Variants in ADGRL3 observed in about 807,000 individuals in gnomAD.
ADGRL3 encodes adhesion G protein-coupled receptor L3.
ADGRL3 carries 62 observed loss-of-function variants against 153.5 expected under a neutral mutation model. The ratio of observed to expected loss-of-function variants is 0.40; its 90% CI spans 0.33 to 0.50. ADGRL3 has a LOEUF of 0.50. Among genes scored for constraint, ADGRL3 ranks in the 20% least tolerant of loss-of-function variants. The probability of loss-of-function intolerance (pLI) is 0.47; values close to 1 mark genes in which losing one functional copy is unlikely to be tolerated. For missense variants in ADGRL3, 1,641 were observed against 1,859.4 expected, an observed-to-expected ratio of 0.88 and a Z score of 2.16; for synonymous variants, 710 against 672.5, an observed-to-expected ratio of 1.06 and a Z score of -0.86.
chr4:61,272,079 T>A (rs2093215487), intron 1 of ADGRL3, among the ~76,000 whole-genome samples: 1 of 151,920 alleles, frequency 6.6e-6, no homozygotes, highest in African/African-American at 2.4e-5. Flanking sequence ...TTCCATGTAA[T>A]TTGGATATGT....
chr4:62,023,907 G>A (rs1224207027), intron 21 of ADGRL3, among the ~76,000 whole-genome samples: 1 of 96,216 alleles, frequency 1.0e-5, no homozygotes, highest in Non-Finnish European at 2.5e-5. Flanking sequence ...TTATTTGCAT[G>A]CAACCTACCA....
intron 5 of ADGRL3, among the ~76,000 whole-genome samples, chr4:61,599,865 C>T (rs1343727706): frequency 6.6e-6 from 1 of 152,124 alleles, no homozygotes; most frequent in Non-Finnish European, 1.5e-5. Context: ...GTCACAACAG[C>T]TTTTACTCCA....
At chr4:61,705,915 T>C (rs751219439) in intron 6 of ADGRL3, among the ~76,000 whole-genome samples, 3 of 152,180 alleles carry the variant, frequency 2.0e-5, no homozygotes, top group Non-Finnish European at 4.4e-5. Flanking sequence ...GGCTTTGATA[T>C]TCCATTTATA....
intron 1 of ADGRL3, among the ~76,000 whole-genome samples, chr4:61,259,214 G>A (rs894893279): frequency 4.1e-4 from 62 of 152,136 alleles, no homozygotes; most frequent in Admixed American, 1.2e-3. Context: ...ACGAGGTCAG[G>A]AGATCGAGAC....
intron 5 of ADGRL3, among the ~76,000 whole-genome samples, chr4:61,598,752 TATCTA>T (rs1410481997): frequency 6.6e-6 from 1 of 152,222 alleles, no homozygotes; most frequent in Non-Finnish European, 1.5e-5. Context: ...GAAAAAATGT[TATCTA>T]ATGGTTTAAG....
At chr4:61,332,826 T>G (rs1261497990) in intron 1 of ADGRL3, among the ~76,000 whole-genome samples, 1 of 151,822 alleles carries the variant, frequency 6.6e-6, no homozygotes, top group Non-Finnish European at 1.5e-5. Context: ...TTGAAAAAAA[T>G]GCACTTATAT....
At chr4:61,861,202 T>A (rs1018591088) in intron 9 of ADGRL3, among the ~76,000 whole-genome samples, 1 of 152,066 alleles carries the variant, frequency 6.6e-6, no homozygotes, top group Non-Finnish European at 1.5e-5. Context: ...AAAGCAAGGA[T>A]TTGGAAATAA....
intron 8 of ADGRL3, among the ~76,000 whole-genome samples, chr4:61,805,169 C>T (rs534832816): frequency 1.2e-3 from 178 of 151,940 alleles, no homozygotes; most frequent in Middle Eastern, 0.01. Flanking sequence ...GTTTCGATCT[C>T]CTGACCTCGT....
intron 21 of ADGRL3, among the ~76,000 whole-genome samples, chr4:62,015,815 A>AT (rs2099208578): frequency 6.6e-6 from 1 of 151,356 alleles, no homozygotes; most frequent in South Asian, 2.1e-4. Flanking sequence ...GCTGATATAC[A>AT]TTTTGAATGC....
chr4:61,701,462 T>C (rs2095758116), intron 6 of ADGRL3, among the ~76,000 whole-genome samples: 2 of 120,492 alleles, frequency 1.7e-5, no homozygotes, highest in Admixed American at 1.1e-4. Flanking sequence ...TGAGATGGAG[T>C]CTCACTCTGT....
chr4:61,337,545 T>A (rs998549815), intron 1 of ADGRL3, among the ~76,000 whole-genome samples: 1 of 152,208 alleles, frequency 6.6e-6, no homozygotes, highest in Non-Finnish European at 1.5e-5. Flanking sequence ...ATCAAGGGAC[T>A]ACCTTCCTCG....
chr4:61,883,643 G>A (rs2098520976), intron 9 of ADGRL3, among the ~76,000 whole-genome samples: 1 of 152,114 alleles, frequency 6.6e-6, no homozygotes, highest in Admixed American at 6.5e-5. Flanking sequence ...AAGAAGATAT[G>A]TCTGTTACTA....
chr4:61,351,834 A>C (rs2096058338), intron 1 of ADGRL3, among the ~76,000 whole-genome samples: 1 of 152,164 alleles, frequency 6.6e-6, no homozygotes, highest in Non-Finnish European at 1.5e-5. Flanking sequence ...TGTGATGGAG[A>C]TGTGTAAGAA....
At chr4:61,490,542 A>G (rs2098247195) in intron 2 of ADGRL3, among the ~76,000 whole-genome samples, 2 of 152,140 alleles carry the variant, frequency 1.3e-5, no homozygotes. Flanking sequence ...GATGATTGAA[A>G]GTTTGTCCTC....
intron 13 of ADGRL3, among the ~76,000 whole-genome samples, chr4:61,914,537 A>C (rs188563129): frequency 1.3e-5 from 2 of 152,100 alleles, no homozygotes; most frequent in African/African-American, 4.8e-5. Flanking sequence ...ATGGTAATAC[A>C]TGGGAGGGGG....
intron 2 of ADGRL3, among the ~76,000 whole-genome samples, chr4:61,476,759 A>ATAGACAGG (rs1393165078): frequency 6.7e-6 from 1 of 149,098 alleles, no homozygotes; most frequent in East Asian, 2.0e-4. Flanking sequence ...TAGAAGAAGA[A>ATAGACAGG]TAGACAGGGT....
intron 5 of ADGRL3, among the ~76,000 whole-genome samples, chr4:61,590,352 TG>T (rs2098964446): frequency 2.0e-5 from 3 of 151,870 alleles, no homozygotes; most frequent in Admixed American, 2.0e-4. Flanking sequence ...TATTTCTTTT[TG>T]TTTTTTTATA....
intron 1 of ADGRL3, among the ~76,000 whole-genome samples, chr4:61,285,419 A>C (rs4860408): frequency 0.82 from 124,522 of 151,638 alleles, 51,274 homozygotes; most frequent in Admixed American, 0.87. Context: ...AAATGATTCT[A>C]TTAATATTTT....
intron 8 of ADGRL3, among the ~76,000 whole-genome samples, chr4:61,760,452 T>C (rs2343575): frequency 0.49 from 74,959 of 152,042 alleles, 19,295 homozygotes; most frequent in East Asian, 0.71. Context: ...TAGGACCCTC[T>C]GAGCCAGGCA....
Sources: allele counts gnomAD v4.1 joint callset (sites outside exome capture counted in the v4.1 genomes callset), GRCh38; gene constraint gnomAD v4.1.1; transcripts MANE v1.5; gene names NCBI Gene and HGNC (gene_info 2026-07-23, HGNC 2026-07-21).